Variants in EPDR1 observed in about 807,000 individuals in gnomAD.
EPDR1 encodes the protein ependymin related 1.
In EPDR1, 27 loss-of-function variants were observed where a neutral mutation model predicts 23.7. That is an observed-to-expected ratio of 1.14 (90% CI 0.84 to 1.57). EPDR1 has a LOEUF of 1.57. Ranked by LOEUF, EPDR1 falls within the 40% of genes most tolerant of loss-of-function variation. The pLI, the probability that EPDR1 is intolerant of heterozygous loss-of-function variation, is 0.00. For synonymous variants in EPDR1, 137 were observed against 118.2 expected (o/e 1.16, Z -1.03); for missense variants, 349 against 290.4 (o/e 1.20, Z -1.47).
At chr7:37,922,257 A>C (rs1785722227) in intron 1 of EPDR1, among the ~76,000 whole-genome samples, 1 of 152,238 alleles carries the variant, frequency 6.6e-6, no homozygotes, top group South Asian at 2.1e-4. Context: ...TGATAATATC[A>C]TTTATTCTAA....
chr7:37,921,348 G>T, intron 1 of EPDR1, 140 bp downstream of exon 1: 2 of 1,421,150 alleles, frequency 1.4e-6, no homozygotes, highest in East Asian at 2.8e-5. Context: ...TTCGCGAGGA[G>T]GGTCTCTTGG....
At chr7:37,922,666 AG>A (rs67556012) in intron 1 of EPDR1, among the ~76,000 whole-genome samples, 9 of 149,586 alleles carry the variant, frequency 6.0e-5, no homozygotes, top group Non-Finnish European at 1.0e-4. Context: ...TGAGGAAGCT[AG>A]GGGGGGGTTC....
At chr7:37,943,031 G>T (rs1434538830) in intron 1 of EPDR1, among the ~76,000 whole-genome samples, 5 of 152,198 alleles carry the variant, frequency 3.3e-5, no homozygotes, top group Admixed American at 6.5e-5. Flanking sequence ...CTGAGCCTTT[G>T]GCAGGGCCTA....
chr7:37,931,575 C>A lies in EPDR1; in HGVS notation c.269+10367C>A, dbSNP rs537579610. On this transcript the variant is annotated intron_variant, in intron 1 of 2. Transcript: ENST00000199448. ...TCTGACACCAAACTAAATTTGGTTT[C>A]GTTTCAATAATTTTTTTTCTGCCCA... Among the ~76,000 whole-genome samples the A allele has an allele frequency of 2.6e-5, 4 of 152,004 alleles. No homozygotes were observed. In the East Asian group the frequency reaches 7.7e-4, roughly 29 times the overall value.
At chr7:37,939,558 T>C (rs1329433887) in intron 1 of EPDR1, among the ~76,000 whole-genome samples, 2 of 152,176 alleles carry the variant, frequency 1.3e-5, no homozygotes, top group Non-Finnish European at 2.9e-5. Flanking sequence ...TGATGTCTTA[T>C]TCTTCTTGGT....
At chr7:37,922,867 G>T (rs1028250895) in intron 1 of EPDR1, among the ~76,000 whole-genome samples, 2 of 152,122 alleles carry the variant, frequency 1.3e-5, no homozygotes, top group African/African-American at 4.8e-5. Flanking sequence ...GTGATGAGAA[G>T]AACTCAGTTG....
chr7:37,923,456 G>C (rs915549316), intron 1 of EPDR1, among the ~76,000 whole-genome samples: 8 of 152,328 alleles, frequency 5.3e-5, no homozygotes, highest in African/African-American at 9.6e-5. Context: ...GCATAGGGTA[G>C]ATGGTGATGC....
At chr7:37,949,718 TTCA>T (rs1188336156) in intron 2 of EPDR1, among the ~76,000 whole-genome samples, 1 of 152,216 alleles carries the variant, frequency 6.6e-6, no homozygotes, top group Non-Finnish European at 1.5e-5. Flanking sequence ...AACCCAAATG[TTCA>T]TCAACAGATA....
chr7:37,922,699 T>C (rs1785734063), intron 1 of EPDR1, among the ~76,000 whole-genome samples: 1 of 151,538 alleles, frequency 6.6e-6, no homozygotes, highest in Non-Finnish European at 1.5e-5. Context: ...GTATACCAGG[T>C]TCACATTCAT....
chr7:37,949,595 A>G (rs1358003205), intron 2 of EPDR1, among the ~76,000 whole-genome samples: 1 of 152,158 alleles, frequency 6.6e-6, no homozygotes, highest in Non-Finnish European at 1.5e-5. Context: ...ATGACCCAGC[A>G]ACTCCACTTC....
intron 1 of EPDR1, among the ~76,000 whole-genome samples, chr7:37,935,116 A>G (rs9655029): frequency 0.34 from 51,579 of 152,074 alleles, 8,915 homozygotes; most frequent in South Asian, 0.46. Context: ...CATTTTATCT[A>G]AGGGACTTGA....
At chr7:37,929,442 G>T (rs1034610673) in intron 1 of EPDR1, among the ~76,000 whole-genome samples, 9 of 152,110 alleles carry the variant, frequency 5.9e-5, no homozygotes, top group African/African-American at 1.9e-4. Flanking sequence ...CGGAGAAGGC[G>T]ATTCCCAAGC....
rs746506034 is a variant in EPDR1 at position 37,921,118 on chromosome 7, G to C, written c.179G>C (p.Gly60Ala). 115 of 1,594,882 alleles carry C rather than the reference G, an allele frequency of 7.2e-5. 2 individuals carry two copies. The South Asian group carries it at 1.0e-3, about 14-fold the overall frequency. ...GRQVMYQQSS[G>A]RNSRALLSYD... ...CAGGTTATGTACCAGCAAAGTAGCG[G>C]GCGCAACAGCCGCGCCCTGCTCTCC... Residue 60 changes from glycine to alanine, a missense_variant, in exon 1 of 3, where the codon GGG (glycine) becomes GCG (alanine). By Grantham distance (60) the Gly-to-Ala change is moderately conservative. Coordinates refer to ENST00000199448, the MANE Select transcript of EPDR1 (RefSeq NM_017549.5).
intron 1 of EPDR1, among the ~76,000 whole-genome samples, chr7:37,922,862 G>A (rs1785738017): frequency 6.6e-6 from 1 of 152,160 alleles, no homozygotes; most frequent in Non-Finnish European, 1.5e-5. Context: ...GGGTTGTGAT[G>A]AGAAGAACTC....
At position 37,921,180 on chromosome 7, in the gene EPDR1, G is replaced by T; in HGVS notation, c.241G>T (p.Glu81Ter). 6.3e-7 allele frequency: 1 copy of T among 1,592,050 alleles called. No homozygotes were observed. Among genetic ancestry groups the T allele is most frequent in the Non-Finnish European group, 8.5e-7 (1 of 1,177,400 alleles). The change falls in exon 1 of 3, where the codon GAG becomes TAG. Residue 81 changes from glutamate to a stop codon, truncating the protein, a stop_gained. Transcript: ENST00000199448. LOFTEE classifies it high-confidence loss of function. ...GLNQRVRVLDERKALIPCKRL... is the reference protein window; with the variant it reads ...GLNQRVRVLD ...CAACCAGCGCGTGCGGGTGCTGGAC[G>T]AGAGGAAGGCGCTGATCCCCTGCAA...
chr7:37,938,237 G>A (rs902794146), intron 1 of EPDR1, among the ~76,000 whole-genome samples: 1 of 151,930 alleles, frequency 6.6e-6, no homozygotes, highest in African/African-American at 2.4e-5. Flanking sequence ...TGATCCGCCT[G>A]CCATGACCTC....
chr7:37,941,267 G>T (rs1429787365), intron 1 of EPDR1, among the ~76,000 whole-genome samples: 1 of 152,150 alleles, frequency 6.6e-6, no homozygotes, highest in Admixed American at 6.5e-5. Flanking sequence ...AAACGGATTT[G>T]CCTAAAACCA....
chr7:37,937,984 A>ATTT (rs1347900474), intron 1 of EPDR1, among the ~76,000 whole-genome samples: 2,788 of 61,574 alleles, frequency 0.045, 67 homozygotes, highest in Admixed American at 0.16. Context: ...GTGCCCTTTA[A>ATTT]ATTTTTTTTT....
chr7:37,938,579 G>T (rs1370015973), intron 1 of EPDR1, among the ~76,000 whole-genome samples: 1 of 152,198 alleles, frequency 6.6e-6, no homozygotes, highest in Admixed American at 6.6e-5. Flanking sequence ...TGAGCATCCA[G>T]AGAAACTTAC....
Sources: gnomAD v4.1 joint callset for allele counts (sites outside exome capture counted in the v4.1 genomes callset) on GRCh38, gnomAD v4.1.1 for gene constraint, MANE v1.5 for transcripts, NCBI Gene and HGNC (gene_info 2026-07-23, HGNC 2026-07-21) for gene names.